The following ZNF567 variants were observed in gnomAD, a reference collection of about 807,000 sequenced individuals.
The protein encoded by ZNF567 is zinc finger protein 567.
A neutral mutation model predicts 53.9 loss-of-function variants in ZNF567; 36 were observed. That is an observed-to-expected ratio of 0.67 (90% CI 0.51 to 0.88). ZNF567 has a LOEUF of 0.88. Ranked by LOEUF, ZNF567 falls within the 40% of genes least tolerant of loss-of-function variation. The pLI, the probability that ZNF567 is intolerant of heterozygous loss-of-function variation, is 0.00. For synonymous variants in ZNF567, 224 were observed against 260.4 expected, an observed-to-expected ratio of 0.86 and a Z score of 1.35; for missense variants, 619 against 764.7, an observed-to-expected ratio of 0.81 and a Z score of 2.25.
At chr19:36,677,112 G>GC in the ZNF567 span, among the ~76,000 whole-genome samples, 1 of 133,192 alleles carries the variant, frequency 7.5e-6, no homozygotes, top group Admixed American at 8.9e-5. Context: ...CCAAGACCAT[G>GC]CCATTGCACT....
At chr19:36,726,982 T>TTTTTTTCTTTCTTTCTTTC (rs2040337185), downstream of ZNF567, 1 of 55,390 alleles carries the variant, frequency 1.8e-5, no homozygotes, top group South Asian at 5.7e-4. Context: ...CTTTCTTTCT[T>TTTTTTTCTTTCTTTCTTTC]TTTCTTTCTT....
At chr19:36,713,846 A>G (rs1162018658) in intron 5 of ZNF567, among the ~76,000 whole-genome samples, 1 of 152,172 alleles carries the variant, frequency 6.6e-6, no homozygotes, top group Non-Finnish European at 1.5e-5. Flanking sequence ...GAGGCCGGAG[A>G]ATCGCTTAAA....
At chr19:36,670,846 A>C in the ZNF567 span, among the ~76,000 whole-genome samples, 1 of 152,294 alleles carries the variant, frequency 6.6e-6, no homozygotes, top group Non-Finnish European at 1.5e-5. Flanking sequence ...TCACACCTGT[A>C]ATCCCAGCAC....
chr19:36,676,089 CAG>C, the ZNF567 span, among the ~76,000 whole-genome samples: 1 of 52,048 alleles, frequency 1.9e-5, no homozygotes, highest in African/African-American at 7.5e-5. Flanking sequence ...TTTTTTGAGA[CAG>C]AGTCTCACTC....
chr19:36,675,499 C>T, the ZNF567 span, among the ~76,000 whole-genome samples: 5 of 151,964 alleles, frequency 3.3e-5, no homozygotes, highest in East Asian at 7.8e-4. Context: ...ATCGTGAAAC[C>T]CTGTCTCTAC....
chr19:36,697,768 T>C (rs1053096470), intron 3 of ZNF567, among the ~76,000 whole-genome samples: 1 of 151,958 alleles, frequency 6.6e-6, no homozygotes, highest in Non-Finnish European at 1.5e-5. Flanking sequence ...TGCACCACCA[T>C]GCTGGCCTAA....
intron 3 of ZNF567, among the ~76,000 whole-genome samples, chr19:36,706,770 C>T (rs975842630): frequency 5.3e-5 from 8 of 150,772 alleles, no homozygotes; most frequent in Non-Finnish European, 1.2e-4. Flanking sequence ...ATCCTCCCAC[C>T]GTAGCCACCT....
chr19:36,693,022 T>G (rs1465099479), intron 2 of ZNF567, among the ~76,000 whole-genome samples: 2 of 152,048 alleles, frequency 1.3e-5, no homozygotes, highest in Non-Finnish European at 2.9e-5. Context: ...ATGTGGTGGT[T>G]CACACCTATA....
intron 5 of ZNF567, chr19:36,714,445 A>G (rs2039945862): frequency 5.0e-6 from 2 of 398,394 alleles, no homozygotes; most frequent in South Asian, 2.5e-4. Flanking sequence ...TACAGGCTTG[A>G]GCCACTGCAC....
intron 5 of ZNF567, among the ~76,000 whole-genome samples, chr19:36,715,478 A>AAAT (rs200738092): frequency 0.035 from 4,225 of 120,258 alleles, 117 homozygotes; most frequent in Non-Finnish European, 0.046. Flanking sequence ...ATTTAACTCA[A>AAAT]AATAATAATA....
chr19:36,712,334 C>CACT (rs1257987926), intron 3 of ZNF567, 52 bp from the exon 4 acceptor site: 1 of 1,577,804 alleles, frequency 6.3e-7, no homozygotes, highest in East Asian at 2.3e-5. Flanking sequence ...AGGCATGAAC[C>CACT]ACTGTACCTG....
downstream of ZNF567, among the ~76,000 whole-genome samples, chr19:36,725,817 TTC>T (rs2040333408): frequency 6.6e-6 from 1 of 152,186 alleles, no homozygotes; most frequent in Non-Finnish European, 1.5e-5. Context: ...CCTGGCTAAC[TTC>T]TATATTTTTT....
chr19:36,702,779 C>T (rs1390475707), intron 3 of ZNF567, among the ~76,000 whole-genome samples: 21 of 152,236 alleles, frequency 1.4e-4, no homozygotes, highest in Non-Finnish European at 7.3e-5. Flanking sequence ...GCTCCATCAG[C>T]TCCTTTAAGC....
intron 2 of ZNF567, among the ~76,000 whole-genome samples, chr19:36,693,167 A>G (rs1220402582): frequency 6.6e-6 from 1 of 151,998 alleles, no homozygotes; most frequent in Non-Finnish European, 1.5e-5. Flanking sequence ...ATGCGCCTGT[A>G]GTCCCAGCTA....
chr19:36,712,808 T>C lies in ZNF567; in HGVS notation c.164T>C (p.Ile55Thr). 6.2e-7 allele frequency: 1 copy of C among 1,614,088 alleles called. No individual in the cohort carries two copies. The highest frequency in any genetic ancestry group is 8.5e-7 in the Non-Finnish European group (1 of 1,179,996). ...TGTCACATGACCAAACCTGATGTGA[T>C]CCTCAAGTTGGAACGAGGAGAAGAG... is the stretch of plus-strand genomic sequence containing the variant. ...VGCHMTKPDVILKLERGEEPW... is the reference protein window; with the variant it reads ...VGCHMTKPDVTLKLERGEEPW... The change falls in exon 5 of 6, where the codon ATC (isoleucine) becomes ACC (threonine). Residue 55 changes from isoleucine (I) to threonine (T), a missense_variant. By Grantham distance (89) the Ile-to-Thr change is moderately conservative (BLOSUM62 -1). Coordinates refer to ENST00000682579, the MANE Select transcript of ZNF567 (RefSeq NM_001322917.1).
At chr19:36,710,377 C>T (rs2039718044) in intron 3 of ZNF567, among the ~76,000 whole-genome samples, 1 of 151,046 alleles carries the variant, frequency 6.6e-6, no homozygotes, top group Admixed American at 6.6e-5. Flanking sequence ...GTTTTATTCC[C>T]CCCACTCCTT....
rs1384130337 is a variant in ZNF567, at chr19:36,712,493, T to C, written c.117T>C (p.Tyr39=). Residue 39 remains tyrosine, a synonymous_variant, in exon 4 of 6, where the codon TAT becomes TAC. Coordinates refer to ENST00000682579, the MANE Select transcript of ZNF567 (RefSeq NM_001322917.1). ...TLYMDVMLEN[Y]CHLISVGCHM... ...ATATGGATGTGATGTTGGAAAACTATTGCCACCTCATCTCTGTGGGTAAGA... is the reference window on the plus strand; with the variant it reads ...ATATGGATGTGATGTTGGAAAACTACTGCCACCTCATCTCTGTGGGTAAGA... 1.2e-6 allele frequency: 2 copies of C among 1,614,012 alleles called. No homozygotes were observed. The highest frequency in any genetic ancestry group is 1.7e-5 in the Admixed American group (1 of 59,986).
Position 36,719,719 on chromosome 19 carries a change from C to T in ZNF567, c.995C>T (p.Thr332Ile), listed in dbSNP as rs1406537835. 1.2e-6 allele frequency: 2 copies of T among 1,614,130 alleles called. No individual in the cohort carries two copies. Among genetic ancestry groups the T allele is most frequent in the Admixed American group, 3.3e-5 (2 of 60,014 alleles). The change falls in exon 6 of 6, where the codon ACA becomes ATA. Residue 332 changes from threonine to isoleucine, a missense_variant. Transcript: ENST00000682579. ...TALTDHQRTH[T>I]GEKSYECLQC... The stretch of plus-strand genomic sequence containing the variant: ...CTCACTGATCATCAGAGAACACACA[C>T]AGGGGAGAAATCGTATGAATGTCTG...
chr19:36,715,509 A>ATT (rs1568711570), intron 5 of ZNF567, among the ~76,000 whole-genome samples: 2,326 of 45,678 alleles, frequency 0.051, 48 homozygotes, highest in Non-Finnish European at 0.061. Context: ...TAATAATAAT[A>ATT]ATTATTATTA....
Sources: allele counts gnomAD v4.1 joint callset (sites outside exome capture counted in the v4.1 genomes callset), GRCh38; gene constraint gnomAD v4.1.1; transcripts MANE v1.5; gene names NCBI Gene and HGNC (gene_info 2026-07-23, HGNC 2026-07-21).